The following LRRC1 variants were observed in gnomAD, a reference collection of about 807,000 sequenced individuals.
LRRC1 encodes leucine rich repeat containing 1.
In LRRC1, 28 loss-of-function variants were observed where a neutral mutation model predicts 69.9. That is an observed-to-expected ratio of 0.40 (90% CI 0.30 to 0.55). LRRC1 has a LOEUF of 0.55. Among genes scored for constraint, LRRC1 ranks in the 20% least tolerant of loss-of-function variants. The pLI is 0.47. For synonymous variants in LRRC1, 236 were observed against 240.2 expected, an observed-to-expected ratio of 0.98 and a Z score of 0.16; for missense variants, 498 against 609.0, an observed-to-expected ratio of 0.82 and a Z score of 1.92.
chr6:53,863,404 G>A (rs1766593862), intron 2 of LRRC1, among the ~76,000 whole-genome samples: 2 of 152,204 alleles, frequency 1.3e-5, no homozygotes, highest in South Asian at 4.1e-4. Context: ...CCAAGAGCCT[G>A]TTTTCGATGT....
intron 2 of LRRC1, among the ~76,000 whole-genome samples, chr6:53,854,090 C>A (rs1766233916): frequency 6.6e-6 from 1 of 152,228 alleles, no homozygotes; most frequent in Non-Finnish European, 1.5e-5. Flanking sequence ...ACCAACTGAC[C>A]TGGCAACTGG....
intron 4 of LRRC1, among the ~76,000 whole-genome samples, chr6:53,890,176 A>G (rs1264005225): frequency 1.3e-5 from 2 of 152,188 alleles, no homozygotes; most frequent in Non-Finnish European, 2.9e-5. Context: ...AAAGAAACGA[A>G]TACCCTCAAA....
At chr6:53,867,807 T>C (rs1202350338) in intron 2 of LRRC1, among the ~76,000 whole-genome samples, 1 of 151,862 alleles carries the variant, frequency 6.6e-6, no homozygotes, top group Non-Finnish European at 1.5e-5. Context: ...ATTTTAAAAT[T>C]AGCTGGGCGT....
chr6:53,878,989 G>T lies in LRRC1; in HGVS notation c.278-4G>T. 1.2e-6 allele frequency: 2 copies of T among 1,603,808 alleles called. No homozygotes were observed. The highest frequency in any genetic ancestry group is 1.7e-6 in the Non-Finnish European group (2 of 1,171,848). ...AATTATAGACATTTTCTCTACTCCT[G>T]CAGAGATTCCTGAAATTCCAGAAAG... On this transcript the variant is annotated splice_polypyrimidine_tract_variant and splice_region_variant and intron_variant, in intron 2 of 13. Transcript: ENST00000370888.
At chr6:53,809,953 A>G (rs1348409860) in intron 1 of LRRC1, among the ~76,000 whole-genome samples, 5 of 152,236 alleles carry the variant, frequency 3.3e-5, no homozygotes, top group Non-Finnish European at 7.3e-5. Context: ...CAGAGAAGAA[A>G]GGGATAGATA....
intron 2 of LRRC1, among the ~76,000 whole-genome samples, chr6:53,865,028 T>C (rs1766652590): frequency 6.6e-6 from 1 of 152,146 alleles, no homozygotes; most frequent in African/African-American, 2.4e-5. Context: ...GGCAGCCAGC[T>C]GGAGCACAGG....
intron 2 of LRRC1, among the ~76,000 whole-genome samples, chr6:53,867,531 A>T (rs539590816): frequency 1.1e-4 from 16 of 152,362 alleles, no homozygotes; most frequent in African/African-American, 3.6e-4. Flanking sequence ...AAGTTGTAGG[A>T]AAAAGATTAA....
chr6:53,803,657 CCCT>C (rs1764555990), intron 1 of LRRC1, among the ~76,000 whole-genome samples: 1 of 151,942 alleles, frequency 6.6e-6, no homozygotes, highest in African/African-American at 2.4e-5. Flanking sequence ...TAAAATTTTT[CCCT>C]CCTCATTATT....
At chr6:53,807,071 G>A (rs962782878) in intron 1 of LRRC1, among the ~76,000 whole-genome samples, 3 of 152,180 alleles carry the variant, frequency 2.0e-5, no homozygotes, top group Non-Finnish European at 1.5e-5. Flanking sequence ...ACAGTTTGGG[G>A]ACTGACCATT....
At chr6:53,826,578 GCAACTGTAGGA>G (rs1765263466) in intron 1 of LRRC1, among the ~76,000 whole-genome samples, 2 of 152,158 alleles carry the variant, frequency 1.3e-5, no homozygotes. Flanking sequence ...TCAACTCAGA[GCAACTGTAGGA>G]CAAGTATTTG....
chr6:53,891,239 G>A (rs1767669319), intron 4 of LRRC1, among the ~76,000 whole-genome samples: 1 of 152,114 alleles, frequency 6.6e-6, no homozygotes, highest in South Asian at 2.1e-4. Context: ...GGAATTGACA[G>A]GGAGGATAGA....
intron 1 of LRRC1, among the ~76,000 whole-genome samples, chr6:53,810,123 C>G (rs1409835945): frequency 6.6e-6 from 1 of 152,154 alleles, no homozygotes; most frequent in Non-Finnish European, 1.5e-5. Context: ...TGTGCAGTGT[C>G]TGCTGCAAGA....
chr6:53,911,345 A>T (rs1179611533), intron 10 of LRRC1, among the ~76,000 whole-genome samples: 1 of 152,174 alleles, frequency 6.6e-6, no homozygotes, highest in African/African-American at 2.4e-5. Context: ...TACATAATAT[A>T]TGCATATGAT....
rs140784909 is a variant in LRRC1, at chr6:53,877,043, C to T, written c.278-1950C>T. Among the ~76,000 whole-genome samples, 27 of 152,336 alleles carry T rather than the reference C, an allele frequency of 1.8e-4. No individual in the cohort carries two copies. In the East Asian group the frequency reaches 5.2e-3, roughly 29 times the overall value. On this transcript the variant is annotated intron_variant, in intron 2 of 13. Coordinates refer to ENST00000370888, the MANE Select transcript of LRRC1 (RefSeq NM_018214.5). ...GCCTTGCCCCTGAAGCAAACTTTTGCCTGGGCATCCAGGCATTTCCATACA... is the reference window on the plus strand; with the variant it reads ...GCCTTGCCCCTGAAGCAAACTTTTGTCTGGGCATCCAGGCATTTCCATACA...
At chr6:53,867,696 G>A (rs192621670) in intron 2 of LRRC1, among the ~76,000 whole-genome samples, 50 of 152,100 alleles carry the variant, frequency 3.3e-4, no homozygotes, top group Non-Finnish European at 6.3e-4. Flanking sequence ...GCACACGCCT[G>A]TAATCCCAAA....
intron 1 of LRRC1, among the ~76,000 whole-genome samples, chr6:53,819,719 T>C (rs1479623157): frequency 6.6e-6 from 1 of 152,152 alleles, no homozygotes; most frequent in Non-Finnish European, 1.5e-5. Flanking sequence ...AGTTAAATAT[T>C]TTTTCTAGTT....
chr6:53,910,064 G>A lies in LRRC1; in HGVS notation c.991-3790G>A, dbSNP rs1041933868. Reference sequence around the variant, plus strand: ...TGAAAGTTGACCTGAGCAGAGGTTTGCTCAATAATCTGCAGAACCTATTTT... The same window carrying A: ...TGAAAGTTGACCTGAGCAGAGGTTTACTCAATAATCTGCAGAACCTATTTT... On this transcript the variant is annotated intron_variant, in intron 10 of 13. Coordinates refer to ENST00000370888, the MANE Select transcript of LRRC1 (RefSeq NM_018214.5). Among the ~76,000 whole-genome samples, 10 of 152,228 alleles carry A rather than the reference G, an allele frequency of 6.6e-5. 1 individual carries two copies. The highest frequency in any genetic ancestry group is 2.4e-4 in the African/African-American group (10 of 41,554).
intron 7 of LRRC1, among the ~76,000 whole-genome samples, chr6:53,899,460 C>T (rs1244464330): frequency 1.3e-5 from 2 of 152,166 alleles, no homozygotes; most frequent in African/African-American, 2.4e-5. Context: ...ACCCTGCAGT[C>T]GTTTTTTCTC....
chr6:53,830,135 C>T (rs1765385872), intron 1 of LRRC1, among the ~76,000 whole-genome samples: 1 of 152,204 alleles, frequency 6.6e-6, no homozygotes, highest in Non-Finnish European at 1.5e-5. Flanking sequence ...GGGCCACTAC[C>T]CAACATTTCT....
Sources: allele counts gnomAD v4.1 joint callset (sites outside exome capture counted in the v4.1 genomes callset), GRCh38; gene constraint gnomAD v4.1.1; transcripts MANE v1.5; gene names NCBI Gene and HGNC (gene_info 2026-07-23, HGNC 2026-07-21).